AOPEP: variants seen among roughly 807,000 people sequenced by gnomAD.
AOPEP encodes the protein aminopeptidase O (putative), also known as aminopeptidase O.
Under a neutral mutation model 98.1 loss-of-function variants are expected in AOPEP, and 77 were observed. The ratio of observed to expected loss-of-function variants is 0.78; its 90% CI spans 0.65 to 0.95. AOPEP has a LOEUF of 0.95. Among genes scored for constraint, AOPEP ranks in the 40% least tolerant of loss-of-function variants. AOPEP has a pLI of 0.00. For missense variants in AOPEP, 1,024 were observed against 1,024.7 expected, an observed-to-expected ratio of 1.00 and a Z score of 0.01; for synonymous variants, 346 against 365.3, an observed-to-expected ratio of 0.95 and a Z score of 0.60.
At chr9:94,784,773 G>A (rs1588195473) in intron 3 of AOPEP, among the ~76,000 whole-genome samples, 1 of 152,080 alleles carries the variant, frequency 6.6e-6, no homozygotes, top group Admixed American at 6.5e-5. Flanking sequence ...CCACCACCAC[G>A]CCTGGCTAAT....
intron 5 of AOPEP, among the ~76,000 whole-genome samples, chr9:94,913,178 G>T (rs1293167022): frequency 1.3e-5 from 2 of 152,212 alleles, no homozygotes; most frequent in African/African-American, 4.8e-5. Context: ...ACCATCCAGA[G>T]AAATGGGATT....
At chr9:94,860,669 A>G (rs1000624267) in intron 5 of AOPEP, among the ~76,000 whole-genome samples, 1 of 152,150 alleles carries the variant, frequency 6.6e-6, no homozygotes, top group African/African-American at 2.4e-5. Context: ...GGAGATGTCA[A>G]GGGTGACTCC....
intron 5 of AOPEP, among the ~76,000 whole-genome samples, chr9:94,848,930 C>G (rs2043192728): frequency 6.6e-6 from 1 of 152,172 alleles, no homozygotes; most frequent in Non-Finnish European, 1.5e-5. Context: ...GCATGCATCA[C>G]CACACCCAGC....
chr9:94,922,738 T>C (rs948924424), intron 5 of AOPEP, among the ~76,000 whole-genome samples: 2 of 152,140 alleles, frequency 1.3e-5, no homozygotes, highest in African/African-American at 4.8e-5. Flanking sequence ...ATTTCTGGGG[T>C]TTCTGGTGTC....
the AOPEP span, chr9:95,107,240 G>C: frequency 6.2e-7 from 1 of 1,614,116 alleles, no homozygotes; most frequent in Non-Finnish European, 8.5e-7. Flanking sequence ...ACATTGCCAG[G>C]AGGTGGCCCA....
chr9:94,734,823 G>A (rs948219909), intron 1 of AOPEP, among the ~76,000 whole-genome samples: 4 of 152,212 alleles, frequency 2.6e-5, no homozygotes, highest in African/African-American at 9.7e-5. Context: ...AACATCTTCT[G>A]ATGTTTATAT....
At position 94,920,036 on chromosome 9, in the gene AOPEP, C is replaced by G. The variant is rs150719282; in HGVS notation, c.1365-3950C>G. Among the ~76,000 whole-genome samples, 804 of 152,294 alleles carry G rather than the reference C, an allele frequency of 5.3e-3. 14 individuals are homozygous for G. The highest frequency in any genetic ancestry group is 0.044 in the East Asian group (226 of 5,174). On this transcript the variant is annotated intron_variant, in intron 5 of 16. Coordinates refer to ENST00000375315, the MANE Select transcript of AOPEP (RefSeq NM_001193329.3). ...GGCGCAGTGACTCATGCCTGTGATC[C>G]TAGCACTTTGGGAGGCTGAGGTGGG...
intron 5 of AOPEP, among the ~76,000 whole-genome samples, chr9:94,910,540 G>C (rs968369521): frequency 1.3e-5 from 2 of 152,218 alleles, no homozygotes; most frequent in African/African-American, 4.8e-5. Context: ...CTTTGCTGTT[G>C]ACTTGAGGAT....
In AOPEP at chr9:94,980,299, G is replaced by A. The variant is rs1238239843; in HGVS notation, c.1977+872G>A. Among the ~76,000 whole-genome samples, 2 of 152,248 alleles carry A rather than the reference G, an allele frequency of 1.3e-5. No homozygotes were observed. Among genetic ancestry groups the A allele is most frequent in the South Asian group, 4.1e-4 (2 of 4,838 alleles). ...CAGGCTGGGAGCTCTCTCAGTCTGG[G>A]GCAGCCCCCAGAGCGGCTGCAGGCT... On this transcript the variant is annotated intron_variant, in intron 11 of 16. Coordinates refer to ENST00000375315, the MANE Select transcript of AOPEP (RefSeq NM_001193329.3). This position sits in a 1 kb window ranked among gnomAD's most constrained non-coding sequence, Gnocchi z 4.3.
At chr9:94,753,610 G>A (rs1296967066) in intron 1 of AOPEP, among the ~76,000 whole-genome samples, 1 of 152,112 alleles carries the variant, frequency 6.6e-6, no homozygotes, top group Admixed American at 6.5e-5. Flanking sequence ...TGATTGAGAT[G>A]GTGCTGTTAC....
chr9:94,888,118 G>T (rs2048439284), intron 5 of AOPEP, among the ~76,000 whole-genome samples: 1 of 152,152 alleles, frequency 6.6e-6, no homozygotes, highest in Non-Finnish European at 1.5e-5. Context: ...ACAAGTCAAG[G>T]AGTGAAAATG....
chr9:94,803,813 A>G (rs1848679891), intron 5 of AOPEP, among the ~76,000 whole-genome samples: 2 of 152,132 alleles, frequency 1.3e-5, no homozygotes. Flanking sequence ...TTCTTTGCTG[A>G]GAAAAATCAC....
chr9:95,048,002 A>T (rs1453248951), intron 13 of AOPEP, among the ~76,000 whole-genome samples: 2 of 152,214 alleles, frequency 1.3e-5, no homozygotes, highest in African/African-American at 4.8e-5. Flanking sequence ...TATTCACATG[A>T]TATAAGCTAT....
chr9:94,983,418 C>T (rs1450673951), intron 11 of AOPEP, among the ~76,000 whole-genome samples: 1 of 152,158 alleles, frequency 6.6e-6, no homozygotes, highest in Non-Finnish European at 1.5e-5. Flanking sequence ...ATTTTCTTTC[C>T]TAGCACCTCT....
chr9:95,058,867 C>T (rs2067066676), intron 13 of AOPEP, among the ~76,000 whole-genome samples: 1 of 152,168 alleles, frequency 6.6e-6, no homozygotes, highest in Non-Finnish European at 1.5e-5. Flanking sequence ...TGCAGGAAAG[C>T]ACCTCTCTCG....
At chr9:94,964,916 G>T (rs1021438182) in intron 9 of AOPEP, among the ~76,000 whole-genome samples, 2 of 152,064 alleles carry the variant, frequency 1.3e-5, no homozygotes, top group Non-Finnish European at 2.9e-5. Flanking sequence ...TGGGATTACA[G>T]GCGTGAGACA....
chr9:94,794,570 C>CT (rs1027940536), intron 4 of AOPEP, among the ~76,000 whole-genome samples: 5 of 152,084 alleles, frequency 3.3e-5, no homozygotes, highest in African/African-American at 1.2e-4. Flanking sequence ...TGCATTTTTC[C>CT]TTTTTTGGCA....
intron 5 of AOPEP, among the ~76,000 whole-genome samples, chr9:94,899,308 C>T (rs887305325): frequency 8.1e-5 from 12 of 147,594 alleles, no homozygotes; most frequent in African/African-American, 2.7e-4. Context: ...CCTCAGCCTC[C>T]GGAGTAGCTG....
At chr9:94,748,723 C>T (rs1444230104) in intron 1 of AOPEP, among the ~76,000 whole-genome samples, 4 of 152,110 alleles carry the variant, frequency 2.6e-5, no homozygotes, top group Non-Finnish European at 4.4e-5. Flanking sequence ...TTTTTATAGC[C>T]TTCACACTTT....
Sources: allele counts gnomAD v4.1 joint callset (sites outside exome capture counted in the v4.1 genomes callset), GRCh38; gene constraint gnomAD v4.1.1; non-coding constraint Gnocchi (gnomAD v3.1); transcripts MANE v1.5; gene names NCBI Gene and HGNC (gene_info 2026-07-23, HGNC 2026-07-21).